Variants in TNPO2 observed in about 807,000 individuals in gnomAD.
The protein encoded by TNPO2 is transportin-2.
A neutral mutation model predicts 111.1 loss-of-function variants in TNPO2; 16 were observed. That is an observed-to-expected ratio of 0.14 (90% CI 0.10 to 0.22). The LOEUF (loss-of-function observed/expected upper bound fraction) is 0.22, where lower values mean the gene tolerates loss of function less well. TNPO2 is among the 10% of genes least tolerant of loss of function. The probability of loss-of-function intolerance (pLI) is 1.00; values close to 1 mark genes in which losing one functional copy is unlikely to be tolerated. For missense variants in TNPO2, 530 were observed against 1,173.7 expected, an observed-to-expected ratio of 0.45 and a Z score of 8.01; for synonymous variants, 481 against 475.8, an observed-to-expected ratio of 1.01 and a Z score of -0.14.
At position 12,721,635 on chromosome 19, in the gene TNPO2, G is replaced by A. The variant is rs985300504; in HGVS notation, c.-13-645C>T. ...CCTCTGTGGCCTAGCCAAATTCTAA[G>A]GATTCCCCTTAATCAGGCCCAAAGC... is the stretch of plus-strand genomic sequence containing the variant. On this transcript the variant is annotated intron_variant, in intron 2 of 25. Transcript: ENST00000425528. The surrounding 1 kb of genome is among the most constrained non-coding windows in gnomAD (Gnocchi z 4.9). 1.8e-5 allele frequency: 5 copies of A among 270,974 alleles called. No individual in the cohort carries two copies. The highest frequency in any genetic ancestry group is 3.6e-5 in the Non-Finnish European group (5 of 137,638). The allele number at this position is 270,974 out of a possible 1,614,324, so 16.8% of individuals were successfully genotyped here. A position where few individuals can be genotyped will look rare whatever the true frequency, so the allele number is the denominator to read the frequency against.
intron 5 of TNPO2, among the ~76,000 whole-genome samples, chr19:12,717,438 A>AT (rs1224933010): frequency 1.3e-5 from 2 of 151,270 alleles, no homozygotes; most frequent in Non-Finnish European, 2.9e-5. Context: ...CACTCAGCAA[A>AT]TTTTTGTATT....
Position 12,715,236 on chromosome 19 carries a change from G to A in TNPO2, c.648+7C>T, listed in dbSNP as rs550346172. On this transcript the variant is annotated splice_region_variant and intron_variant, in intron 8 of 25. Coordinates refer to ENST00000425528, the MANE Select transcript of TNPO2 (RefSeq NM_001382241.1). The surrounding 1 kb of genome is among the most constrained non-coding windows in gnomAD (Gnocchi z 7.1). ...TCGCCCTGCCCACCCCCAGCCCAGC[G>A]GCCCACCTCGATGAAGGTGTCAATA... 1.4e-5 allele frequency: 23 copies of A among 1,613,678 alleles called. No individual in the cohort carries two copies. Among genetic ancestry groups the A allele is most frequent in the Admixed American group, 5.0e-5 (3 of 59,962 alleles).
In TNPO2 at chr19:12,711,391, C is replaced by T. The variant is rs778630699; in HGVS notation, c.1022G>A (p.Arg341His). Residue 341 changes from arginine (R) to histidine (H), a missense_variant, in exon 12 of 26, where the codon CGC becomes CAC. Physicochemically the swap from Arg to His is conservative, Grantham distance 29 (BLOSUM62 0). Transcript: ENST00000425528. The part of the protein sequence containing the change: ...QDIKPRFHKS[R>H]TVTLPHEAER... ...AGCCTCGTGGGGCAGTGTGACCGTG[C>T]GTGACTTGTGGAAGCGTGGCTTGAT... 1 of 1,613,996 alleles carries T rather than the reference C, an allele frequency of 6.2e-7. No homozygotes were observed. The highest frequency in any genetic ancestry group is 8.5e-7 in the Non-Finnish European group (1 of 1,179,904).
rs1742300293 is a variant in TNPO2, at chr19:12,719,482, G to A, written c.100-146C>T. 1.4e-6 allele frequency: 1 copy of A among 704,452 alleles called. No individual in the cohort carries two copies. Among genetic ancestry groups the A allele is most frequent in the Admixed American group, 2.3e-5 (1 of 44,072 alleles). 43.6% of individuals were successfully genotyped at this position (704,452 alleles called of 1,614,324 possible). On this transcript the variant is annotated intron_variant, in intron 3 of 25. Coordinates refer to ENST00000425528, the MANE Select transcript of TNPO2 (RefSeq NM_001382241.1). This position sits in a 1 kb window ranked among gnomAD's most constrained non-coding sequence, Gnocchi z 5.0. ...TCCCTAATAAGCCCACAATGACACAGAGCACCTCAGACACGTCAAATTCAT... is the reference window on the plus strand; with the variant it reads ...TCCCTAATAAGCCCACAATGACACAAAGCACCTCAGACACGTCAAATTCAT...
intron 12 of TNPO2, 106 bp from the exon 13 acceptor site, chr19:12,710,879 C>T (rs1263529123): frequency 5.2e-6 from 6 of 1,153,672 alleles, no homozygotes; most frequent in East Asian, 2.8e-5. Context: ...AGAATCTTCA[C>T]GATCAGCTTC....
In TNPO2 at chr19:12,715,623, T is replaced by C. The variant is rs1276280356; in HGVS notation, c.432+10A>G. 1.2e-6 allele frequency: 2 copies of C among 1,613,634 alleles called. No homozygotes were observed. The highest frequency in any genetic ancestry group is 1.3e-5 in the African/African-American group (1 of 74,880). ...GTACTCGCTCTGGCCATCCATGGCTTCTTGCCTACCTCACAAGTGTTGTAA... is the reference window on the plus strand; with the variant it reads ...GTACTCGCTCTGGCCATCCATGGCTCCTTGCCTACCTCACAAGTGTTGTAA... On this transcript the variant is annotated intron_variant, in intron 6 of 25. Coordinates refer to ENST00000425528, the MANE Select transcript of TNPO2 (RefSeq NM_001382241.1). This position sits in a 1 kb window ranked among gnomAD's most constrained non-coding sequence, Gnocchi z 7.1.
In TNPO2 at chr19:12,703,315, A is replaced by G. The variant is rs2025438009; in HGVS notation, c.2209+113T>C. 17 of 936,974 alleles carry G rather than the reference A, an allele frequency of 1.8e-5. No homozygotes were observed. In the South Asian group the frequency reaches 2.5e-4, roughly 14 times the overall value. The allele number at this position is 936,974 out of a possible 1,614,324, so 58.0% of individuals were successfully genotyped here. A position where few individuals can be genotyped will look rare whatever the true frequency, so the allele number is the denominator to read the frequency against. ...ACCTTTCTGCTTGGCTCCACCCCTG[A>G]CGACCCCCAAGAGACTTGCCTTGAA... is the stretch of plus-strand genomic sequence containing the variant. On this transcript the variant is annotated intron_variant, in intron 20 of 25. Coordinates refer to ENST00000425528, the MANE Select transcript of TNPO2 (RefSeq NM_001382241.1).
chr19:12,707,653 T>C (rs905906477), intron 13 of TNPO2, among the ~76,000 whole-genome samples: 2 of 151,240 alleles, frequency 1.3e-5, no homozygotes, highest in African/African-American at 4.9e-5. Context: ...CATACCCAAC[T>C]AATTTTTATA....
intron 13 of TNPO2, among the ~76,000 whole-genome samples, chr19:12,707,668 T>C (rs1350051595): frequency 6.6e-6 from 1 of 151,472 alleles, no homozygotes; most frequent in Non-Finnish European, 1.5e-5. Flanking sequence ...TTTATATTTT[T>C]AGTAGAGACG....
chr19:12,703,658 C>T, intron 19 of TNPO2, 56 bp downstream of exon 19: 2 of 1,590,966 alleles, frequency 1.3e-6, no homozygotes, highest in Non-Finnish European at 1.7e-6. Context: ...GTATTGCTCT[C>T]CATCACTTGA....
intron 5 of TNPO2, among the ~76,000 whole-genome samples, chr19:12,716,557 C>G (rs1194429122): frequency 1.3e-5 from 2 of 152,038 alleles, no homozygotes; most frequent in African/African-American, 2.4e-5. Context: ...ACCTGGGAGG[C>G]AGAGGTTGCA....
At chr19:12,714,965 C>T (rs2026280509) in intron 9 of TNPO2, 26 bp from the exon 10 acceptor site, 2 of 1,601,806 alleles carry the variant, frequency 1.2e-6, no homozygotes, top group Non-Finnish European at 1.7e-6. Context: ...GAAGCTGAGG[C>T]CTGGCCTGGC....
rs756111361 is a variant in TNPO2 at position 12,715,654 on chromosome 19, C to T, written c.411G>A (p.Ser137=). The T allele has an allele frequency of 1.2e-4, 198 of 1,613,644 alleles. No homozygotes were observed. The highest frequency in any genetic ancestry group is 1.6e-4 in the Non-Finnish European group (186 of 1,179,834). The change falls in exon 6 of 26, where the codon TCG becomes TCA. Residue 137 remains serine, a synonymous_variant. Coordinates refer to ENST00000425528, the MANE Select transcript of TNPO2 (RefSeq NM_001382241.1). The surrounding 1 kb of genome is among the most constrained non-coding windows in gnomAD (Gnocchi z 7.1). ...LLPQLCNLLN[S]EDYNTCEGAF... The stretch of plus-strand genomic sequence containing the variant: ...CTACCTCACAAGTGTTGTAATCCTC[C>T]GAGTTAAGCAGGTTGCAGAGCTGGG...
At chr19:12,708,867 G>A (rs908109599) in intron 13 of TNPO2, among the ~76,000 whole-genome samples, 5 of 150,918 alleles carry the variant, frequency 3.3e-5, no homozygotes, top group South Asian at 2.1e-4. Flanking sequence ...GCAAAACTCC[G>A]TCTCAAAAAA....
At position 12,719,069 on chromosome 19, in the gene TNPO2, G is replaced by T. The variant is rs760785282; in HGVS notation, c.285C>A (p.Asn95Lys). 5 of 1,613,994 alleles carry T rather than the reference G, an allele frequency of 3.1e-6. No homozygotes were observed. The highest frequency in any genetic ancestry group is 1.1e-5 in the South Asian group (1 of 91,080). The change falls in exon 5 of 26, where the codon AAC becomes AAA. Residue 95 changes from asparagine (N) to lysine (K), a missense_variant. Transcript: ENST00000425528. This position sits in a 1 kb window ranked among gnomAD's most constrained non-coding sequence, Gnocchi z 5.0. ...TGAGCGAGGAGGCATCGCCAATGTT[G>T]TTGAGACACTCCTGTTTGATGAAGT... ...VADFIKQECL[N>K]NIGDASSLIR... is the part of the protein sequence containing the mutation.
At chr19:12,711,651 C>A in intron 10 of TNPO2, 38 bp from the exon 11 acceptor site, 1 of 1,598,316 alleles carries the variant, frequency 6.3e-7, no homozygotes, top group Non-Finnish European at 8.5e-7. Context: ...ATGCAGGGGC[C>A]GTGGCAAAAG....
chr19:12,703,639 C>A, intron 19 of TNPO2, 75 bp downstream of exon 19: 1 of 1,580,658 alleles, frequency 6.3e-7, no homozygotes, highest in South Asian at 1.1e-5. Flanking sequence ...TGGTCACAGT[C>A]ATCCCCGGGT....
chr19:12,704,548 G>A (rs751122141), intron 18 of TNPO2, among the ~76,000 whole-genome samples: 31 of 152,150 alleles, frequency 2.0e-4, no homozygotes, highest in Admixed American at 2.0e-4. Context: ...TTCTGTATGC[G>A]TTCAGTACAG....
chr19:12,707,222 C>T (rs1460002822), intron 13 of TNPO2, among the ~76,000 whole-genome samples: 1 of 152,282 alleles, frequency 6.6e-6, no homozygotes, highest in Admixed American at 6.5e-5. Flanking sequence ...TGGTCTCAGT[C>T]TCCTGACCTC....
Sources: allele counts gnomAD v4.1 joint callset (sites outside exome capture counted in the v4.1 genomes callset), GRCh38; gene constraint gnomAD v4.1.1; non-coding constraint Gnocchi (gnomAD v3.1); transcripts MANE v1.5; gene names NCBI Gene and HGNC (gene_info 2026-07-23, HGNC 2026-07-21).